The following FARP2 variants were observed in gnomAD, a reference collection of about 807,000 sequenced individuals.
FARP2 encodes FERM, ARH/RhoGEF and pleckstrin domain protein 2.
In FARP2, 111 loss-of-function variants were observed where a neutral mutation model predicts 130.5. The ratio of observed to expected loss-of-function variants is 0.85; its 90% CI spans 0.73 to 1.00. FARP2 has a LOEUF of 1.00. FARP2 is among the 50% of genes least tolerant of loss of function. The probability of loss-of-function intolerance (pLI) is 0.00; values close to 1 mark genes in which losing one functional copy is unlikely to be tolerated. For missense variants in FARP2, 1,385 were observed against 1,346.3 expected, an observed-to-expected ratio of 1.03 and a Z score of -0.45; for synonymous variants, 504 against 516.9, an observed-to-expected ratio of 0.98 and a Z score of 0.34.
chr2:241,391,700 C>T lies in FARP2; in HGVS notation c.184-12128C>T, dbSNP rs114643896. On this transcript the variant is annotated intron_variant, in intron 2 of 26. Coordinates refer to ENST00000264042, the MANE Select transcript of FARP2 (RefSeq NM_014808.4). ...CTTCCAGTTTTCAACCTCATCTGGT[C>T]GTGCAGAGCTTCTGCTACCACTACA... 5.8e-3 allele frequency among the ~76,000 whole-genome samples: 883 copies of T among 152,286 alleles called. 16 individuals carry two copies. The highest frequency in any genetic ancestry group is 0.02 in the African/African-American group (821 of 41,540).
chr2:241,484,233 G>T lies in FARP2; in HGVS notation c.2332-9G>T, dbSNP rs1202468959. ...GAAGTTCATGGATGTAAAGCTTGCT[G>T]CTTCTCAGTTCTCAGATATGTTGCT... On this transcript the variant is annotated splice_polypyrimidine_tract_variant and intron_variant, in intron 20 of 26. Coordinates refer to ENST00000264042, the MANE Select transcript of FARP2 (RefSeq NM_014808.4). 1.2e-6 allele frequency: 2 copies of T among 1,614,072 alleles called. No individual in the cohort carries two copies. The highest frequency in any genetic ancestry group is 3.3e-5 in the Admixed American group (2 of 60,022).
intron 13 of FARP2, chr2:241,447,258 C>T (rs2150428876): frequency 6.6e-6 from 1 of 152,314 alleles, no homozygotes; most frequent in South Asian, 2.1e-4. Context: ...ATAACAGTGT[C>T]ACTGACATCT....
Position 241,431,735 on chromosome 2 carries a change from G to A in FARP2, c.828G>A (p.Lys276=), listed in dbSNP as rs189731640. The A allele has an allele frequency of 2.1e-4, 340 of 1,597,046 alleles. No homozygotes were observed. Among genetic ancestry groups the A allele is most frequent in the Non-Finnish European group, 2.8e-4 (330 of 1,167,966 alleles). The change falls in exon 9 of 27, where the codon AAG becomes AAA. Residue 276 remains lysine (K), a synonymous_variant. Coordinates refer to ENST00000264042, the MANE Select transcript of FARP2 (RefSeq NM_014808.4). ...CCAAGGTCCGTAAACTAAGCTTCAA[G>A]AGGAAAAGATTTCTTATCAAACTTC... ...NWSKVRKLSF[K]RKRFLIKLHP...
chr2:241,475,944 A>G lies in FARP2; in HGVS notation c.2219A>G (p.Gln740Arg). 1 of 1,614,110 alleles carries G rather than the reference A, an allele frequency of 6.2e-7. No homozygotes were observed. The highest frequency in any genetic ancestry group is 1.1e-5 in the South Asian group (1 of 91,074). The change falls in exon 19 of 27, where the codon CAG becomes CGG. Residue 740 changes from glutamine to arginine, a missense_variant. Gln to Arg is a conservative substitution (Grantham distance 43). Transcript: ENST00000264042. The surrounding 1 kb of genome is among the most constrained non-coding windows in gnomAD (Gnocchi z 4.4). ...LENLQKLTEL[Q>R]RDLVGIENLI... ...AACCTGCAGAAGCTAACGGAGCTGC[A>G]GCGGGACCTGGTGGGCATAGAGAAC...
At chr2:241,472,421 G>C (rs6712206) in intron 18 of FARP2, among the ~76,000 whole-genome samples, 204 of 151,030 alleles carry the variant, frequency 1.4e-3, no homozygotes, top group African/African-American at 4.8e-3. Context: ...GTTTTGAGGC[G>C]ACCCTGTTCT....
At chr2:241,441,029 A>G (rs1487137018) in intron 12 of FARP2, among the ~76,000 whole-genome samples, 2 of 152,206 alleles carry the variant, frequency 1.3e-5, no homozygotes, top group Non-Finnish European at 2.9e-5. Flanking sequence ...ATTGTAATTT[A>G]ATTTTAAAAA....
Position 241,389,603 on chromosome 2 carries a change from A to G in FARP2, c.184-14225A>G, listed in dbSNP as rs1415782409. ...ACAACCCAATTTAAAATCTTACTCA[A>G]GGTTACGCAGGAACTCAAGAATTCT... On this transcript the variant is annotated intron_variant, in intron 2 of 26. Transcript: ENST00000264042. Among the ~76,000 whole-genome samples the G allele has an allele frequency of 8.5e-5, 13 of 152,348 alleles. 1 individual carries two copies. The South Asian group carries it at 2.3e-3, about 27-fold the overall frequency.
At chr2:241,395,797 GTTGT>G (rs764846511) in intron 2 of FARP2, 42 of 152,190 alleles carry the variant, frequency 2.8e-4, no homozygotes, top group Non-Finnish European at 4.0e-4. Flanking sequence ...TTTTGTTGTT[GTTGT>G]TTGTTTGTTT....
intron 14 of FARP2, among the ~76,000 whole-genome samples, chr2:241,458,082 G>A (rs2063911287): frequency 6.6e-6 from 1 of 152,194 alleles, no homozygotes; most frequent in African/African-American, 2.4e-5. Flanking sequence ...ACCAGGGGCA[G>A]GGATGCTGTG....
At chr2:241,483,397 C>G in intron 19 of FARP2, 68 bp from the exon 20 acceptor site, 6 of 1,356,100 alleles carry the variant, frequency 4.4e-6, no homozygotes, top group Non-Finnish European at 6.3e-6. Flanking sequence ...TCCTGACCCT[C>G]AGCCCGGCTA....
At chr2:241,418,831 C>T (rs780287037) in intron 8 of FARP2, among the ~76,000 whole-genome samples, 8 of 152,134 alleles carry the variant, frequency 5.3e-5, no homozygotes, top group Non-Finnish European at 1.0e-4. Context: ...AAAGCTCTTG[C>T]GGGGGCTCCC....
intron 8 of FARP2, among the ~76,000 whole-genome samples, chr2:241,418,376 C>T (rs2062729428): frequency 6.6e-6 from 1 of 152,156 alleles, no homozygotes; most frequent in Non-Finnish European, 1.5e-5. Flanking sequence ...TTGGATTCCC[C>T]ACTGCCTCCT....
At chr2:241,370,101 G>A (rs1301972808) in intron 1 of FARP2, among the ~76,000 whole-genome samples, 2 of 152,096 alleles carry the variant, frequency 1.3e-5, no homozygotes, top group African/African-American at 4.8e-5. Context: ...GAAGAAATAA[G>A]ATCTATTGTT....
At chr2:241,491,038 G>A (rs369633322) in intron 22 of FARP2, 23 bp from the exon 23 acceptor site, 168 of 1,573,586 alleles carry the variant, frequency 1.1e-4, no homozygotes, top group South Asian at 2.3e-4. Flanking sequence ...CAGAGCCACT[G>A]AGCCTTGCCC....
intron 2 of FARP2, among the ~76,000 whole-genome samples, chr2:241,376,830 T>C (rs1293344815): frequency 1.3e-5 from 2 of 152,216 alleles, no homozygotes; most frequent in African/African-American, 4.8e-5. Context: ...AGGTCTGTCT[T>C]GGTGAAGACA....
intron 10 of FARP2, among the ~76,000 whole-genome samples, chr2:241,434,574 G>A (rs950790521): frequency 2.6e-5 from 4 of 152,218 alleles, no homozygotes; most frequent in African/African-American, 4.8e-5. Context: ...TATGTGGGCC[G>A]AGCCCGGTGG....
chr2:241,366,138 T>TATACGTATATATATATAC (rs1491421503), intron 1 of FARP2, among the ~76,000 whole-genome samples: 1 of 138,442 alleles, frequency 7.2e-6, no homozygotes, highest in Admixed American at 7.9e-5. Flanking sequence ...TATATATATA[T>TATACGTATATATATATAC]ACACACACAC....
chr2:241,372,221 A>C (rs2061440355), intron 1 of FARP2, among the ~76,000 whole-genome samples: 2 of 151,948 alleles, frequency 1.3e-5, no homozygotes, highest in South Asian at 4.1e-4. Context: ...TCATCTGTTA[A>C]GTGGGCTGTG....
chr2:241,461,287 C>G (rs2064010174), intron 14 of FARP2, among the ~76,000 whole-genome samples: 1 of 152,176 alleles, frequency 6.6e-6, no homozygotes, highest in South Asian at 2.1e-4. Flanking sequence ...TCCGCGCCCC[C>G]CAAGCCAGTG....
Sources: gnomAD v4.1 joint callset for allele counts (sites outside exome capture counted in the v4.1 genomes callset) on GRCh38, gnomAD v4.1.1 for gene constraint, Gnocchi (gnomAD v3.1) non-coding constraint, MANE v1.5 for transcripts, NCBI Gene and HGNC (gene_info 2026-07-23, HGNC 2026-07-21) for gene names.